DIS3L2: variants seen among roughly 807,000 people sequenced by gnomAD.
The protein encoded by DIS3L2 is DIS3 like 3'-5' exoribonuclease 2, also known as DIS3-like exonuclease 2.
In DIS3L2, 34 loss-of-function variants were observed where a neutral mutation model predicts 97.5. That is an observed-to-expected ratio of 0.35 (90% CI 0.27 to 0.46). The LOEUF (loss-of-function observed/expected upper bound fraction) is 0.46. Ranked by LOEUF, DIS3L2 falls within the 20% of genes least tolerant of loss-of-function variation. DIS3L2 has a pLI of 1.00. For missense variants in DIS3L2, 1,038 were observed against 1,146.0 expected (o/e 0.91, Z 1.36); for synonymous variants, 435 against 445.2 (o/e 0.98, Z 0.29).
chr2:232,109,754 A>G (rs1697468752), intron 6 of DIS3L2, among the ~76,000 whole-genome samples: 2 of 152,226 alleles, frequency 1.3e-5, no homozygotes, highest in Non-Finnish European at 1.5e-5. Flanking sequence ...ACCCTAAACT[A>G]TAAAAGACCT....
intron 5 of DIS3L2, among the ~76,000 whole-genome samples, chr2:232,038,468 A>G (rs1427328965): frequency 6.6e-6 from 1 of 152,226 alleles, no homozygotes; most frequent in Non-Finnish European, 1.5e-5. Flanking sequence ...CATACAGTAG[A>G]GCACCAGTGG....
intron 10 of DIS3L2, among the ~76,000 whole-genome samples, chr2:232,225,413 A>G (rs1235908115): frequency 2.0e-5 from 3 of 152,234 alleles, no homozygotes; most frequent in Non-Finnish European, 4.4e-5. Context: ...CAAATTCAAA[A>G]CACAACATGA....
chr2:232,082,060 G>A (rs889236295), intron 5 of DIS3L2, among the ~76,000 whole-genome samples: 3 of 152,178 alleles, frequency 2.0e-5, no homozygotes, highest in Non-Finnish European at 4.4e-5. Flanking sequence ...AAAGTGCTGG[G>A]ATTGCAAGCA....
intron 1 of DIS3L2, among the ~76,000 whole-genome samples, chr2:231,967,553 A>G (rs1192826561): frequency 2.0e-5 from 3 of 152,196 alleles, no homozygotes; most frequent in Non-Finnish European, 4.4e-5. Context: ...ACCAAGAAGG[A>G]GCTATTATTA....
At chr2:231,975,936 T>TTC (rs951501927) in intron 1 of DIS3L2, among the ~76,000 whole-genome samples, 4 of 146,190 alleles carry the variant, frequency 2.7e-5, no homozygotes, top group Admixed American at 6.7e-5. Context: ...CTCCTTCTTC[T>TTC]TCTCTCTCTC....
intron 8 of DIS3L2, among the ~76,000 whole-genome samples, chr2:232,155,181 G>A (rs1251441202): frequency 5.8e-5 from 8 of 138,192 alleles, no homozygotes; most frequent in Non-Finnish European, 8.9e-5. Flanking sequence ...CTCACGCTGG[G>A]AGCTGTAGAC....
At chr2:232,062,609 C>T (rs191303397) in intron 5 of DIS3L2, among the ~76,000 whole-genome samples, 33 of 152,066 alleles carry the variant, frequency 2.2e-4, no homozygotes, top group African/African-American at 8.0e-4. Context: ...GTGATGTTCC[C>T]ACCTCATCCT....
intron 9 of DIS3L2, among the ~76,000 whole-genome samples, chr2:232,188,139 C>CA (rs1204180236): frequency 1.3e-5 from 2 of 150,028 alleles, no homozygotes; most frequent in Non-Finnish European, 3.0e-5. Flanking sequence ...GACTCTGTCT[C>CA]AAAAAAAAGT....
chr2:232,341,114 A>G, downstream of DIS3L2: 1 of 367,218 alleles, frequency 2.7e-6, no homozygotes, highest in Non-Finnish European at 5.3e-6. Flanking sequence ...CACTGCAGAC[A>G]GGTGAGCTCT....
intron 5 of DIS3L2, among the ~76,000 whole-genome samples, chr2:232,044,847 T>C (rs1292609550): frequency 1.3e-5 from 2 of 152,094 alleles, no homozygotes; most frequent in Non-Finnish European, 2.9e-5. Flanking sequence ...AGAAACCAAG[T>C]TGAGGAACTC....
In DIS3L2 at chr2:231,997,303, C is replaced by T. The variant is rs184056218; in HGVS notation, c.-93-17532C>T. 5.5e-4 allele frequency among the ~76,000 whole-genome samples: 84 copies of T among 152,266 alleles called. 1 individual carries two copies. Among genetic ancestry groups the T allele is most frequent in the African/African-American group, 2.0e-3 (83 of 41,564 alleles). ...TTTGCAAAAAGTGCTGGGCTGTTGT[C>T]CCTTTCAGGACATTTAATCTTTTAA... is the stretch of plus-strand genomic sequence containing the variant. On this transcript the variant is annotated intron_variant, in intron 1 of 20. Transcript: ENST00000325385.
intron 4 of DIS3L2, among the ~76,000 whole-genome samples, chr2:232,027,390 G>A (rs561147427): frequency 7.2e-5 from 11 of 152,266 alleles, no homozygotes; most frequent in African/African-American, 2.4e-4. Flanking sequence ...CTTAAGCTAG[G>A]AGCATAAAGG....
chr2:232,321,659 G>A lies in DIS3L2; in HGVS notation c.1740-8154G>A, dbSNP rs183678958. ...AAAGCAACCCTGCTCAGCCCTGGGC[G>A]ACTCAGACAGGAAAGGGCCTGAGCC... is the stretch of plus-strand genomic sequence containing the variant. On this transcript the variant is annotated intron_variant, in intron 14 of 20. Coordinates refer to ENST00000325385, the MANE Select transcript of DIS3L2 (RefSeq NM_152383.5). Among the ~76,000 whole-genome samples, 13 of 152,320 alleles carry A rather than the reference G, an allele frequency of 8.5e-5. No individual in the cohort carries two copies. The East Asian group carries it at 2.3e-3, about 27-fold the overall frequency.
chr2:232,295,312 A>AT (rs1694697101), intron 13 of DIS3L2, among the ~76,000 whole-genome samples: 1 of 152,032 alleles, frequency 6.6e-6, no homozygotes, highest in African/African-American at 2.4e-5. Flanking sequence ...TTTGCAGATA[A>AT]TTTGTGTCCT....
chr2:232,300,846 G>T (rs1429212439), intron 14 of DIS3L2, among the ~76,000 whole-genome samples: 1 of 151,924 alleles, frequency 6.6e-6, no homozygotes, highest in African/African-American at 2.4e-5. Context: ...TACAGACAGG[G>T]TCTCCCTATG....
At position 232,334,476 on chromosome 2, in the gene DIS3L2, C is replaced by T. The variant is rs1226765433; in HGVS notation, c.2266C>T (p.Leu756Phe). ...SKRVQELSTS[L>F]FFAVLVKESG... ...GCGCGTGCAGGAGCTCAGTACCAGT[C>T]TCTTCTTTGCTGTTCTGGTCAAGGT... Residue 756 changes from leucine (L) to phenylalanine (F), a missense_variant, in exon 18 of 21, where the codon CTC (leucine) becomes TTC (phenylalanine). By Grantham distance (22) the Leu-to-Phe change is conservative. Coordinates refer to ENST00000325385, the MANE Select transcript of DIS3L2 (RefSeq NM_152383.5). 1 of 1,613,922 alleles carries T rather than the reference C, an allele frequency of 6.2e-7. No homozygotes were observed. The highest frequency in any genetic ancestry group is 1.1e-5 in the South Asian group (1 of 91,068).
intron 10 of DIS3L2, among the ~76,000 whole-genome samples, chr2:232,222,759 A>C (rs745390601): frequency 6.6e-6 from 1 of 152,170 alleles, no homozygotes; most frequent in Non-Finnish European, 1.5e-5. Context: ...GAGCCACTGC[A>C]CCCAGCTGGT....
At chr2:232,270,861 T>TCC (rs1491451708) in intron 13 of DIS3L2, among the ~76,000 whole-genome samples, 318 of 7,052 alleles carry the variant, frequency 0.045, 14 homozygotes, top group East Asian at 0.11. Flanking sequence ...CTTTTTCTCG[T>TCC]CTCTCTCTCT....
At chr2:232,270,908 C>CTCTGTCTTG (rs1553542504) in intron 13 of DIS3L2, among the ~76,000 whole-genome samples, 77 of 130,644 alleles carry the variant, frequency 5.9e-4, no homozygotes, top group African/African-American at 2.0e-3. Flanking sequence ...CTCTCTCTCT[C>CTCTGTCTTG]TCTCTCTGTC....
Sources: gnomAD v4.1 joint callset for allele counts (sites outside exome capture counted in the v4.1 genomes callset) on GRCh38, gnomAD v4.1.1 for gene constraint, MANE v1.5 for transcripts, NCBI Gene and HGNC (gene_info 2026-07-23, HGNC 2026-07-21) for gene names.